DIAPH2: variants seen among roughly 807,000 people sequenced by gnomAD.
DIAPH2 encodes the protein protein diaphanous homolog 2.
In DIAPH2, 35 loss-of-function variants were observed where a neutral mutation model predicts 92.7. The ratio of observed to expected loss-of-function variants is 0.38; its 90% confidence interval spans 0.29 to 0.50. The LOEUF (loss-of-function observed/expected upper bound fraction) is 0.50. Among genes scored for constraint, DIAPH2 ranks in the 20% least tolerant of loss-of-function variants. DIAPH2 has a pLI of 0.94. For missense variants in DIAPH2, 701 were observed against 819.5 expected (o/e 0.86, Z 1.77); for synonymous variants, 301 against 280.4 (o/e 1.07, Z -0.73).
chrX:96,760,698 A>C (rs758363250), intron 4 of DIAPH2, among the ~76,000 whole-genome samples: 1 of 111,419 alleles, frequency 9.0e-6, no homozygotes, highest in East Asian at 2.8e-4. Flanking sequence ...AGCAAACAAG[A>C]GTCTTTTGTC....
chrX:97,458,761 AT>A (rs1222843548), intron 26 of DIAPH2, among the ~76,000 whole-genome samples: 1 of 111,886 alleles, frequency 8.9e-6, no homozygotes, highest in Non-Finnish European at 1.9e-5. Flanking sequence ...CATAAAAAAA[AT>A]GCCCCCTCAT....
chrX:96,705,026 T>C (rs899548679), intron 1 of DIAPH2, among the ~76,000 whole-genome samples: 3 of 96,614 alleles, frequency 3.1e-5, no homozygotes, highest in Non-Finnish European at 6.0e-5. Context: ...CAGGCTGGAG[T>C]GCAGTGGTGC....
chrX:96,693,702 T>A (rs1405317917), intron 1 of DIAPH2, among the ~76,000 whole-genome samples: 1 of 112,139 alleles, frequency 8.9e-6, no homozygotes, highest in Non-Finnish European at 1.9e-5. Context: ...GCTAATACAT[T>A]TAAAGCCAGA....
intron 22 of DIAPH2, among the ~76,000 whole-genome samples, chrX:97,209,916 T>A (rs2067827009): frequency 9.0e-6 from 1 of 111,118 alleles, no homozygotes; most frequent in Non-Finnish European, 1.9e-5. Context: ...TTAATCTGAA[T>A]GATGAATACA....
intron 25 of DIAPH2, among the ~76,000 whole-genome samples, chrX:97,425,395 T>TC (rs2070051873): frequency 8.9e-6 from 1 of 111,926 alleles, no homozygotes; most frequent in Non-Finnish European, 1.9e-5. Flanking sequence ...CAAAAATTGC[T>TC]CAGAGATTTT....
At chrX:97,255,120 G>A (rs1315883853) in intron 23 of DIAPH2, among the ~76,000 whole-genome samples, 11 of 111,723 alleles carry the variant, frequency 9.8e-5, no homozygotes, top group South Asian at 7.5e-4. Flanking sequence ...TGGTCTTTCC[G>A]ACATTAAACC....
chrX:96,821,648 G>C, intron 4 of DIAPH2, among the ~76,000 whole-genome samples: 1 of 111,604 alleles, frequency 9.0e-6, no homozygotes, highest in South Asian at 3.7e-4. Flanking sequence ...AATTTTTTTT[G>C]TTCTTTTAAG....
chrX:96,938,837 C>T (rs1218234567), intron 11 of DIAPH2, among the ~76,000 whole-genome samples: 3 of 111,927 alleles, frequency 2.7e-5, no homozygotes, highest in Non-Finnish European at 3.8e-5. Flanking sequence ...TAGCAGTTTA[C>T]AGCATGCTCA....
intron 17 of DIAPH2, among the ~76,000 whole-genome samples, chrX:97,021,958 A>C (rs2066301381): frequency 8.9e-6 from 1 of 112,177 alleles, no homozygotes; most frequent in South Asian, 3.7e-4. Flanking sequence ...GAAACAGTCT[A>C]ATAAAACAGT....
chrX:97,292,072 A>ATTTTT (rs34226875), intron 23 of DIAPH2, among the ~76,000 whole-genome samples: 1 of 84,996 alleles, frequency 1.2e-5, no homozygotes, highest in Non-Finnish European at 2.3e-5. Flanking sequence ...TATAGAAGCA[A>ATTTTT]TTTTTTTTTT....
chrX:97,221,375 A>T (rs2067923626), intron 22 of DIAPH2, among the ~76,000 whole-genome samples: 1 of 112,084 alleles, frequency 8.9e-6, no homozygotes, highest in South Asian at 3.7e-4. Flanking sequence ...TAAATATAAA[A>T]TATAAAATAG....
Position 97,214,697 on chromosome X carries a change from T to C in DIAPH2, c.2720-33018T>C, listed in dbSNP as rs188435160. Among the ~76,000 whole-genome samples the C allele has an allele frequency of 4.7e-3, 501 of 107,440 alleles. 1 individual carries two copies. Among genetic ancestry groups the C allele is most frequent in the Non-Finnish European group, 8.1e-3 (423 of 52,026 alleles). 93.3% of individuals were successfully genotyped at this position (107,440 alleles called of 115,157 possible). A position where few individuals can be genotyped will look rare whatever the true frequency, so the allele number is the denominator to read the frequency against. ...AAATACAAAATTAGGCGGGCAGGGT[T>C]GCGCATGCCTGTAATCCCAGCTACT... is the stretch of plus-strand genomic sequence containing the variant. On this transcript the variant is annotated intron_variant, in intron 22 of 26. Coordinates refer to ENST00000324765, the MANE Select transcript of DIAPH2 (RefSeq NM_006729.5).
chrX:97,047,252 A>G (rs1040045567), intron 17 of DIAPH2, among the ~76,000 whole-genome samples: 3 of 111,006 alleles, frequency 2.7e-5, no homozygotes, highest in Non-Finnish European at 5.7e-5. Flanking sequence ...TTATAGAACG[A>G]TGACTGAATG....
intron 3 of DIAPH2, among the ~76,000 whole-genome samples, chrX:96,757,636 G>A (rs1205512201): frequency 8.9e-6 from 1 of 111,896 alleles, no homozygotes; most frequent in East Asian, 2.8e-4. Context: ...ATTTATTACC[G>A]CAATACCGCT....
intron 23 of DIAPH2, among the ~76,000 whole-genome samples, chrX:97,295,293 AG>A (rs1253157080): frequency 5.4e-5 from 6 of 112,001 alleles, no homozygotes; most frequent in African/African-American, 1.9e-4. Flanking sequence ...CTTTTGCAGT[AG>A]CCACTTTGAA....
intron 4 of DIAPH2, among the ~76,000 whole-genome samples, chrX:96,871,464 C>T (rs762709860): frequency 0.012 from 733 of 59,173 alleles, 12 homozygotes; most frequent in African/African-American, 0.062. Flanking sequence ...AGCGAGACTC[C>T]GTCTCAAAAA....
At chrX:97,492,328 A>G (rs1207711670) in intron 26 of DIAPH2, among the ~76,000 whole-genome samples, 1 of 111,309 alleles carries the variant, frequency 9.0e-6, no homozygotes, top group African/African-American at 3.3e-5. Flanking sequence ...CCAGCTTCTC[A>G]GGAAGCTGAG....
At chrX:97,563,719 TA>T (rs1410211229) in intron 26 of DIAPH2, among the ~76,000 whole-genome samples, 1 of 110,998 alleles carries the variant, frequency 9.0e-6, no homozygotes, top group Non-Finnish European at 1.9e-5. Flanking sequence ...GTAAAGCATT[TA>T]GTGAAAAATG....
intron 13 of DIAPH2, among the ~76,000 whole-genome samples, chrX:96,942,408 C>T (rs1007380469): frequency 1.8e-5 from 2 of 110,894 alleles, no homozygotes; most frequent in African/African-American, 6.5e-5. Flanking sequence ...CACAAAAACC[C>T]ATTACATTAT....
Sources: allele counts gnomAD v4.1 joint callset (sites outside exome capture counted in the v4.1 genomes callset), GRCh38; gene constraint gnomAD v4.1.1; transcripts MANE v1.5; gene names NCBI Gene and HGNC (gene_info 2026-07-23, HGNC 2026-07-21).